Variants in SLC9A9 observed in about 807,000 individuals in gnomAD.
The protein encoded by SLC9A9 is sodium/hydrogen exchanger 9.
Under a neutral mutation model 77.8 loss-of-function variants are expected in SLC9A9, and 62 were observed. That is an observed-to-expected ratio of 0.80 (90% confidence interval 0.65 to 0.98). The LOEUF (loss-of-function observed/expected upper bound fraction) is 0.98. Ranked by LOEUF, SLC9A9 falls within the 50% of genes least tolerant of loss-of-function variation. SLC9A9 has a pLI of 0.00. For missense variants in SLC9A9, 775 were observed against 774.9 expected, an observed-to-expected ratio of 1.00 and a Z score of 0.00; for synonymous variants, 320 against 283.5, an observed-to-expected ratio of 1.13 and a Z score of -1.29.
chr3:143,360,112 T>A (rs2032703432), intron 14 of SLC9A9, among the ~76,000 whole-genome samples: 1 of 152,186 alleles, frequency 6.6e-6, no homozygotes. Context: ...CTTGATGGAC[T>A]TTAGGGTCAG....
chr3:143,809,145 G>C (rs1039562920), intron 2 of SLC9A9, among the ~76,000 whole-genome samples: 4 of 152,214 alleles, frequency 2.6e-5, no homozygotes, highest in Admixed American at 6.5e-5. Flanking sequence ...GGATGAAGCA[G>C]TGCAGCTGTG....
rs2034900571 is a variant in SLC9A9, at chr3:143,448,928, AT to A, written c.1469+18108del. Among the ~76,000 whole-genome samples, 3 of 29,640 alleles carry A rather than the reference AT, an allele frequency of 1.0e-4. 1 individual carries two copies. Among genetic ancestry groups the A allele is most frequent in the African/African-American group, 4.8e-4 (1 of 2,072 alleles). 19.4% of individuals were successfully genotyped at this position (29,640 alleles called of 152,430 possible). A position where few individuals can be genotyped will look rare whatever the true frequency, so the allele number is the denominator to read the frequency against. The stretch of plus-strand genomic sequence containing the variant: ...AATATGATATATATTATATATTATA[AT>A]ATATAATATGATATATAATATATAA... On this transcript the variant is annotated intron_variant, in intron 12 of 15. Coordinates refer to ENST00000316549, the MANE Select transcript of SLC9A9 (RefSeq NM_173653.4).
chr3:143,592,098 AACC>A (rs1462936764), intron 6 of SLC9A9, among the ~76,000 whole-genome samples: 2 of 152,208 alleles, frequency 1.3e-5, no homozygotes, highest in Non-Finnish European at 2.9e-5. Context: ...AAAGGTTAAA[AACC>A]ACTGAAGTAG....
chr3:143,759,561 G>T (rs749806021), intron 4 of SLC9A9, among the ~76,000 whole-genome samples: 9 of 151,968 alleles, frequency 5.9e-5, no homozygotes, highest in Non-Finnish European at 1.2e-4. Context: ...TACTTGATGG[G>T]TGTCCAGATC....
chr3:143,802,942 C>T (rs1434453112), intron 2 of SLC9A9, among the ~76,000 whole-genome samples: 1 of 152,164 alleles, frequency 6.6e-6, no homozygotes, highest in Non-Finnish European at 1.5e-5. Flanking sequence ...GACTATCCTC[C>T]AGTCCTCCAG....
chr3:143,492,855 C>T (rs908436024), intron 11 of SLC9A9, among the ~76,000 whole-genome samples: 1 of 152,188 alleles, frequency 6.6e-6, no homozygotes, highest in Non-Finnish European at 1.5e-5. Flanking sequence ...CAATAACTGC[C>T]TCTGAGTACA....
intron 14 of SLC9A9, among the ~76,000 whole-genome samples, chr3:143,358,031 T>G (rs2032643087): frequency 6.6e-6 from 1 of 152,084 alleles, no homozygotes; most frequent in African/African-American, 2.4e-5. Context: ...TTTCCTTTTT[T>G]TTTTTTTTAG....
At chr3:143,297,805 A>G (rs2030346284) in intron 14 of SLC9A9, among the ~76,000 whole-genome samples, 3 of 152,336 alleles carry the variant, frequency 2.0e-5, no homozygotes, top group South Asian at 4.1e-4. Flanking sequence ...TCGTATAGAA[A>G]CACAACTGAT....
intron 9 of SLC9A9, among the ~76,000 whole-genome samples, chr3:143,533,343 C>G (rs1181280850): frequency 6.6e-6 from 1 of 152,182 alleles, no homozygotes; most frequent in Non-Finnish European, 1.5e-5. Flanking sequence ...TGCCTTAATT[C>G]CCAGATGCTG....
At chr3:143,345,918 CA>C (rs1191703250) in intron 14 of SLC9A9, among the ~76,000 whole-genome samples, 1 of 152,122 alleles carries the variant, frequency 6.6e-6, no homozygotes, top group Non-Finnish European at 1.5e-5. Context: ...GAGTCCCTAT[CA>C]GGTCAAAGAA....
At chr3:143,484,164 G>A (rs146423952) in intron 11 of SLC9A9, among the ~76,000 whole-genome samples, 30 of 152,156 alleles carry the variant, frequency 2.0e-4, no homozygotes, top group African/African-American at 6.7e-4. Context: ...GGCTACTAAA[G>A]TCATTCTCTT....
chr3:143,275,064 A>G (rs1408262248), intron 14 of SLC9A9, among the ~76,000 whole-genome samples: 2 of 152,298 alleles, frequency 1.3e-5, no homozygotes, highest in East Asian at 3.9e-4. Context: ...GTTCTTCAGT[A>G]GAGTTCTCAG....
intron 6 of SLC9A9, among the ~76,000 whole-genome samples, chr3:143,615,884 CTTT>C (rs71140444): frequency 1.4e-5 from 2 of 141,470 alleles, no homozygotes; most frequent in Admixed American, 7.1e-5. Context: ...CTTTAAATTT[CTTT>C]TTTTTTTTTT....
At chr3:143,499,821 A>G (rs1387190054) in intron 9 of SLC9A9, among the ~76,000 whole-genome samples, 2 of 152,168 alleles carry the variant, frequency 1.3e-5, no homozygotes, top group Non-Finnish European at 2.9e-5. Flanking sequence ...TCCTTTACCT[A>G]TTAAGATGAT....
chr3:143,805,604 G>A (rs2008689546), intron 2 of SLC9A9, among the ~76,000 whole-genome samples: 1 of 152,044 alleles, frequency 6.6e-6, no homozygotes, highest in South Asian at 2.1e-4. Flanking sequence ...CTTAACTGAT[G>A]ACATACCACC....
Position 143,848,141 on chromosome 3 carries a change from C to T in SLC9A9, c.175+7G>A. 1 of 1,611,184 alleles carries T rather than the reference C, an allele frequency of 6.2e-7. No homozygotes were observed. ...TTTCACATCAATCTCACAATTTATG[C>T]ACTCACCATACACCATTGCTCCTCC... On this transcript the variant is annotated splice_region_variant and intron_variant, in intron 1 of 15. Coordinates refer to ENST00000316549, the MANE Select transcript of SLC9A9 (RefSeq NM_173653.4).
chr3:143,273,224 G>A (rs1937947117), intron 14 of SLC9A9, among the ~76,000 whole-genome samples: 1 of 152,186 alleles, frequency 6.6e-6, no homozygotes, highest in Non-Finnish European at 1.5e-5. Context: ...ATGAGCACCT[G>A]CTCCTTTGAA....
chr3:143,790,564 G>A (rs1482232750), intron 4 of SLC9A9, among the ~76,000 whole-genome samples: 1 of 152,164 alleles, frequency 6.6e-6, no homozygotes, highest in Non-Finnish European at 1.5e-5. Flanking sequence ...ATTTTAGGAG[G>A]AGGAGAAGGA....
chr3:143,596,281 T>C (rs1330638447), intron 6 of SLC9A9, among the ~76,000 whole-genome samples: 4 of 152,164 alleles, frequency 2.6e-5, no homozygotes, highest in African/African-American at 9.7e-5. Flanking sequence ...CCTAATCTCT[T>C]CTCAACGTGT....
Sources: allele counts gnomAD v4.1 joint callset (sites outside exome capture counted in the v4.1 genomes callset), GRCh38; gene constraint gnomAD v4.1.1; transcripts MANE v1.5; gene names NCBI Gene and HGNC (gene_info 2026-07-23, HGNC 2026-07-21).